ITGB7: variants seen among roughly 807,000 people sequenced by gnomAD.
The protein encoded by ITGB7 is integrin subunit beta 7.
ITGB7 carries 55 observed loss-of-function variants against 83.4 expected under a neutral mutation model. The ratio of observed to expected loss-of-function variants is 0.66; its 90% CI spans 0.53 to 0.83. ITGB7 has a LOEUF of 0.83. Ranked by LOEUF, ITGB7 falls within the 40% of genes least tolerant of loss-of-function variation. The pLI is 0.00. For missense variants in ITGB7, 921 were observed against 1,046.7 expected (o/e 0.88, Z 1.66); for synonymous variants, 454 against 423.6 (o/e 1.07, Z -0.88).
chr12:53,191,992 A>C lies in ITGB7; in HGVS notation c.2183T>G (p.Val728Gly), dbSNP rs758690425. The C allele has an allele frequency of 1.2e-6, 2 of 1,613,112 alleles. No individual in the cohort carries two copies. Among genetic ancestry groups the C allele is most frequent in the Admixed American group, 3.3e-5 (2 of 60,012 alleles). Residue 728 changes from valine to glycine, a missense_variant, in exon 15 of 16, where the codon GTG becomes GGG. Coordinates refer to ENST00000267082, the MANE Select transcript of ITGB7 (RefSeq NM_000889.3). ...CACGATGCCCCCTACGCAGCCCAGC[A>C]CAATGGCCTGCGTGTGGTCTGCTCC... The part of the protein sequence containing the change: ...EKGADHTQAI[V>G]LGCVGGIVAV...
chr12:53,196,034 G>A lies in ITGB7; in HGVS notation c.975+7C>T, dbSNP rs1942149093. 6.2e-7 allele frequency: 1 copy of A among 1,613,050 alleles called. No individual in the cohort carries two copies. The highest frequency in any genetic ancestry group is 1.1e-5 in the South Asian group (1 of 91,068). On this transcript the variant is annotated splice_region_variant and intron_variant, in intron 7 of 15. Coordinates refer to ENST00000267082, the MANE Select transcript of ITGB7 (RefSeq NM_000889.3). ...TGGGGAGAGGCAGGGTGACAATAGG[G>A]ACTCACAAACTCTGTGCTGCGACTG...
rs751166511 is a variant in ITGB7, at chr12:53,192,672, G to C, written c.1946+19C>G. 6.2e-7 allele frequency: 1 copy of C among 1,609,592 alleles called. No homozygotes were observed. The highest frequency in any genetic ancestry group is 8.5e-7 in the Non-Finnish European group (1 of 1,176,856). On this transcript the variant is annotated intron_variant, in intron 13 of 15. Transcript: ENST00000267082. ...CCCACTGTGCCCCTGCTCCCAAGAT[G>C]CAAGACCTGAGGCCTCACCGGTGTC...
At chr12:53,199,648 C>T (rs970810529) in intron 3 of ITGB7, among the ~76,000 whole-genome samples, 2 of 151,542 alleles carry the variant, frequency 1.3e-5, no homozygotes, top group Admixed American at 6.6e-5. Context: ...GGAATTAGTG[C>T]GCTTACAAGA....
intron 5 of ITGB7, chr12:53,197,265 C>A (rs780819359): frequency 1.6e-6 from 1 of 619,562 alleles, no homozygotes; most frequent in Non-Finnish European, 2.9e-6. Flanking sequence ...TCTCTCCAGA[C>A]GCTGGGTCTC....
At chr12:53,202,086 C>CAGTG (rs1423139827) in intron 1 of ITGB7, among the ~76,000 whole-genome samples, 2 of 152,170 alleles carry the variant, frequency 1.3e-5, no homozygotes, top group Admixed American at 1.3e-4. Context: ...GGGCTGGGCA[C>CAGTG]AGTGGCTCAT....
rs1366259620 is a variant in ITGB7 at position 53,192,696 on chromosome 12, T to C, written c.1941A>G (p.Arg647=). 6.2e-7 allele frequency: 1 copy of C among 1,613,138 alleles called. No homozygotes were observed. ...QCPGCKTPCE[R]HRDCAECGAF... is the part of the protein sequence containing the mutation. ...TGCAAGACCTGAGGCCTCACCGGTGTCTCTCGCATGGTGTCTTGCAGCCTG... is the reference window on the plus strand; with the variant it reads ...TGCAAGACCTGAGGCCTCACCGGTGCCTCTCGCATGGTGTCTTGCAGCCTG... The change falls in exon 13 of 16, where the codon AGA becomes AGG. Residue 647 remains arginine (R), a synonymous_variant. Transcript: ENST00000267082.
intron 5 of ITGB7, chr12:53,197,252 C>T: frequency 1.7e-6 from 1 of 603,336 alleles, no homozygotes; most frequent in Non-Finnish European, 3.0e-6. Context: ...TGCCTGAGCA[C>T]AGTCTCTCCA....
At chr12:53,203,577 G>A (rs1044421516) in intron 1 of ITGB7, among the ~76,000 whole-genome samples, 3 of 148,888 alleles carry the variant, frequency 2.0e-5, no homozygotes, top group Non-Finnish European at 3.0e-5. Context: ...GAACCCGGGA[G>A]GCAGAGGCTT....
Position 53,196,834 on chromosome 12 carries a change from G to A in ITGB7, c.575-14C>T, listed in dbSNP as rs1341696758. ...AGGAACCAAAACCTGGGAGAGGAGAGGAATGAAGGTTGTGCCAGAAGTCGC... is the reference window on the plus strand; with the variant it reads ...AGGAACCAAAACCTGGGAGAGGAGAAGAATGAAGGTTGTGCCAGAAGTCGC... On this transcript the variant is annotated splice_polypyrimidine_tract_variant and intron_variant, in intron 5 of 15. Transcript: ENST00000267082. 1 of 1,585,292 alleles carries A rather than the reference G, an allele frequency of 6.3e-7. No individual in the cohort carries two copies. Among genetic ancestry groups the A allele is most frequent in the African/African-American group, 1.3e-5 (1 of 74,424 alleles).
intron 1 of ITGB7, among the ~76,000 whole-genome samples, chr12:53,201,894 C>G (rs1942330307): frequency 6.6e-6 from 1 of 152,084 alleles, no homozygotes; most frequent in Non-Finnish European, 1.5e-5. Flanking sequence ...GAGTGAAACC[C>G]TGTCTCTTAA....
intron 1 of ITGB7, among the ~76,000 whole-genome samples, chr12:53,204,004 G>C (rs1286780099): frequency 6.6e-6 from 1 of 152,156 alleles, no homozygotes; most frequent in East Asian, 1.9e-4. Context: ...AAGGTAGAAA[G>C]AACCCAGATG....
intron 1 of ITGB7, among the ~76,000 whole-genome samples, chr12:53,204,758 A>G (rs967428661): frequency 1.3e-5 from 2 of 151,918 alleles, no homozygotes; most frequent in South Asian, 2.1e-4. Flanking sequence ...CTCCTACTCC[A>G]TATGCCATAC....
Position 53,197,673 on chromosome 12 carries a change from G to A in ITGB7, c.404-10C>T, listed in dbSNP as rs754791393. The A allele has an allele frequency of 3.7e-6, 6 of 1,612,464 alleles. No individual in the cohort carries two copies. Among genetic ancestry groups the A allele is most frequent in the East Asian group, 4.5e-5 (2 of 44,806 alleles). On this transcript the variant is annotated splice_polypyrimidine_tract_variant and intron_variant, in intron 4 of 15. Coordinates refer to ENST00000267082, the MANE Select transcript of ITGB7 (RefSeq NM_000889.3). Reference sequence around the variant, plus strand: ...AGCTGCTGGGGCTCCCCTAGGGGGTGGGCGGCGGGCGGGTCAGCAGAGCGC... The same window carrying A: ...AGCTGCTGGGGCTCCCCTAGGGGGTAGGCGGCGGGCGGGTCAGCAGAGCGC...
chr12:53,192,820 A>G lies in ITGB7; in HGVS notation c.1817T>C (p.Ile606Thr). The change falls in exon 13 of 16, where the codon ATC becomes ACC. Residue 606 changes from isoleucine to threonine, a missense_variant. Ile to Thr is a moderately conservative substitution (Grantham distance 89). Coordinates refer to ENST00000267082, the MANE Select transcript of ITGB7 (RefSeq NM_000889.3). ...CECSGDMDSC[I>T]SPEGGLCSGH... ...ACTGCAGAGCCCTCCCTCGGGACTG[A>G]TGCAACTGTCCATGTCCCCACTGCA... is the stretch of plus-strand genomic sequence containing the variant. 6.2e-7 allele frequency: 1 copy of G among 1,614,190 alleles called. No individual in the cohort carries two copies.
chr12:53,198,212 C>T (rs7295340), intron 3 of ITGB7, among the ~76,000 whole-genome samples: 16,787 of 152,244 alleles, frequency 0.11, 1,085 homozygotes, highest in Middle Eastern at 0.18. Flanking sequence ...TCACTGCAAC[C>T]TCCACCTCCC....
At chr12:53,195,824 G>A in intron 7 of ITGB7, 103 bp from the exon 8 acceptor site, 1 of 1,107,190 alleles carries the variant, frequency 9.0e-7, no homozygotes, top group Admixed American at 1.9e-5. Flanking sequence ...CCACCAGCTG[G>A]AGGAGCCCTG....
intron 1 of ITGB7, among the ~76,000 whole-genome samples, chr12:53,201,638 G>C (rs546093873): frequency 6.9e-6 from 1 of 145,768 alleles, no homozygotes; most frequent in East Asian, 2.0e-4. Context: ...AAATCCCATT[G>C]GCCCTTTTTT....
At chr12:53,200,614 G>T (rs1190821403) in intron 2 of ITGB7, among the ~76,000 whole-genome samples, 168 bp from the exon 3 acceptor site, 2 of 152,108 alleles carry the variant, frequency 1.3e-5, no homozygotes, top group East Asian at 3.8e-4. Flanking sequence ...TCAAAATAAT[G>T]GGAAGGAGCA....
At chr12:53,205,047 A>T (rs1480411706) in intron 1 of ITGB7, among the ~76,000 whole-genome samples, 3 of 151,916 alleles carry the variant, frequency 2.0e-5, no homozygotes, top group Non-Finnish European at 2.9e-5. Flanking sequence ...CTGGTCTCGA[A>T]CCCCTGACTT....
Sources: gnomAD v4.1 joint callset for allele counts (sites outside exome capture counted in the v4.1 genomes callset) on GRCh38, gnomAD v4.1.1 for gene constraint, MANE v1.5 for transcripts, NCBI Gene and HGNC (gene_info 2026-07-23, HGNC 2026-07-21) for gene names.